Variants in KIRREL3 observed in about 807,000 individuals in gnomAD.
KIRREL3 encodes kin of IRRE-like protein 3.
Under a neutral mutation model 89.7 loss-of-function variants are expected in KIRREL3, and 36 were observed. That is an observed-to-expected ratio of 0.40 (90% confidence interval 0.31 to 0.53). The LOEUF (loss-of-function observed/expected upper bound fraction) is 0.53, where lower values mean the gene tolerates loss of function less well. Ranked by LOEUF, KIRREL3 falls within the 20% of genes least tolerant of loss-of-function variation. The pLI, the probability that KIRREL3 is intolerant of heterozygous loss-of-function variation, is 0.49. For synonymous variants in KIRREL3, 445 were observed against 441.4 expected (o/e 1.01, Z -0.10); for missense variants, 864 against 1,056.6 (o/e 0.82, Z 2.53).
Position 126,440,510 on chromosome 11 carries a change from A to G in KIRREL3, c.1292T>C (p.Leu431Pro). The change falls in exon 11 of 17, where the codon CTC (leucine) becomes CCC (proline). Residue 431 changes from leucine to proline, a missense_variant. Coordinates refer to ENST00000525144, the MANE Select transcript of KIRREL3 (RefSeq NM_032531.4). ...IISSTQTQHA[L>P]HGEKGQIKCF... ...CTTGATCTGGCCCTTCTCGCCGTGG[A>G]GGGCGTGCTGGGTCTGGGTGCTGGA... The G allele has an allele frequency of 1.9e-6, 3 of 1,602,382 alleles. No individual in the cohort carries two copies. The highest frequency in any genetic ancestry group is 2.3e-5 in the East Asian group (1 of 44,368).
chr11:126,958,691 C>T (rs1490177218), intron 1 of KIRREL3, among the ~76,000 whole-genome samples: 1 of 152,216 alleles, frequency 6.6e-6, no homozygotes, highest in Non-Finnish European at 1.5e-5. Context: ...CACATAAAGG[C>T]ACTCAAACAC....
chr11:126,599,464 C>T (rs1158101360), intron 1 of KIRREL3, among the ~76,000 whole-genome samples: 6 of 152,186 alleles, frequency 3.9e-5, no homozygotes, highest in African/African-American at 1.4e-4. Context: ...GCTGTTTACT[C>T]CTCTAGCTCC....
chr11:126,603,635 C>A (rs375755513), intron 1 of KIRREL3, among the ~76,000 whole-genome samples: 1 of 152,260 alleles, frequency 6.6e-6, no homozygotes, highest in Non-Finnish European at 1.5e-5. Flanking sequence ...GCTGGAGCCA[C>A]GCCTCAGTGC....
At chr11:126,699,166 C>T (rs574399093) in intron 1 of KIRREL3, among the ~76,000 whole-genome samples, 5 of 152,242 alleles carry the variant, frequency 3.3e-5, no homozygotes, top group East Asian at 1.9e-4. Flanking sequence ...GTGGGTGCCA[C>T]GAGGTGTGAC....
At chr11:126,440,572 T>C in intron 10 of KIRREL3, 23 bp from the exon 11 acceptor site, 1 of 1,571,380 alleles carries the variant, frequency 6.4e-7, no homozygotes, top group African/African-American at 1.3e-5. Context: ...AGCGTCCCAT[T>C]AGGCACCCGG....
rs114663673 is a variant in KIRREL3, at chr11:126,764,559, C to A, written c.56-201647G>T. 5.8e-3 allele frequency among the ~76,000 whole-genome samples: 889 copies of A among 152,312 alleles called. 5 individuals carry two copies. Among genetic ancestry groups the A allele is most frequent in the African/African-American group, 0.019 (808 of 41,576 alleles). On this transcript the variant is annotated intron_variant, in intron 1 of 16. Transcript: ENST00000525144. The surrounding 1 kb of genome is among the most constrained non-coding windows in gnomAD (Gnocchi z 4.2). Reference sequence around the variant, plus strand: ...CGCCGCTGCCTCATGAGGTTCCTGGCAGCTCTTACTGCGCCAGTAACAACT... The same window carrying A: ...CGCCGCTGCCTCATGAGGTTCCTGGAAGCTCTTACTGCGCCAGTAACAACT...
intron 1 of KIRREL3, among the ~76,000 whole-genome samples, chr11:126,660,684 T>C (rs973721429): frequency 6.6e-6 from 1 of 152,076 alleles, no homozygotes; most frequent in Admixed American, 6.5e-5. Context: ...AGAGAAGCAA[T>C]CTTGTTCAGC....
chr11:126,805,639 G>A lies in KIRREL3; in HGVS notation c.55+194816C>T, dbSNP rs890857467. Among the ~76,000 whole-genome samples, 15 of 152,182 alleles carry A rather than the reference G, an allele frequency of 9.9e-5. No individual in the cohort carries two copies. The highest frequency in any genetic ancestry group is 3.6e-4 in the African/African-American group (15 of 41,444). On this transcript the variant is annotated intron_variant, in intron 1 of 16. Coordinates refer to ENST00000525144, the MANE Select transcript of KIRREL3 (RefSeq NM_032531.4). This position sits in a 1 kb window ranked among gnomAD's most constrained non-coding sequence, Gnocchi z 4.3. Reference sequence around the variant, plus strand: ...CCTGAAGAACATTTATTTTCAGGGTGATTGCTAAACTCCACAGTACAAAGT... The same window carrying A: ...CCTGAAGAACATTTATTTTCAGGGTAATTGCTAAACTCCACAGTACAAAGT...
rs1367382191 is a variant in KIRREL3 at position 126,471,110 on chromosome 11, C to T, written c.591+2199G>A. Among the ~76,000 whole-genome samples, 2 of 152,110 alleles carry T rather than the reference C, an allele frequency of 1.3e-5. No individual in the cohort carries two copies. The highest frequency in any genetic ancestry group is 2.9e-5 in the Non-Finnish European group (2 of 68,012). On this transcript the variant is annotated intron_variant, in intron 5 of 16. Transcript: ENST00000525144. The surrounding 1 kb of genome is among the most constrained non-coding windows in gnomAD (Gnocchi z 5.4). ...CAGTGGCTCAGTCCTGTAATCCCAGCACTTTGGGAGGCTGAGGCAGGTGGA... is the reference window on the plus strand; with the variant it reads ...CAGTGGCTCAGTCCTGTAATCCCAGTACTTTGGGAGGCTGAGGCAGGTGGA...
chr11:126,887,292 C>T (rs1403443475), intron 1 of KIRREL3, among the ~76,000 whole-genome samples: 1 of 152,274 alleles, frequency 6.6e-6, no homozygotes, highest in Non-Finnish European at 1.5e-5. Flanking sequence ...AGCAAGCATG[C>T]ATTCATCACT....
chr11:126,540,078 TATAAAC>T (rs1938237581), intron 2 of KIRREL3, among the ~76,000 whole-genome samples: 1 of 152,056 alleles, frequency 6.6e-6, no homozygotes. Flanking sequence ...GGATTGGAAA[TATAAAC>T]AGAGAAGCCA....
At position 126,795,921 on chromosome 11, in the gene KIRREL3, C is replaced by T. The variant is rs984423718; in HGVS notation, c.55+204534G>A. 4.6e-5 allele frequency among the ~76,000 whole-genome samples: 7 copies of T among 152,090 alleles called. No individual in the cohort carries two copies. The highest frequency in any genetic ancestry group is 1.7e-4 in the African/African-American group (7 of 41,412). The stretch of plus-strand genomic sequence containing the variant: ...TCCTCACCCTGGGTAAAGGCTCATG[C>T]AGGCATTGGGAAAAGCATGAATCAG... On this transcript the variant is annotated intron_variant, in intron 1 of 16. Transcript: ENST00000525144. The surrounding 1 kb of genome is among the most constrained non-coding windows in gnomAD (Gnocchi z 4.1).
chr11:126,961,656 G>A (rs1199860965), intron 1 of KIRREL3, among the ~76,000 whole-genome samples: 9 of 152,240 alleles, frequency 5.9e-5, no homozygotes, highest in Admixed American at 5.9e-4. Context: ...AGCAAGATAT[G>A]CAGAAGATCT....
intron 1 of KIRREL3, among the ~76,000 whole-genome samples, chr11:126,738,766 A>AT (rs1227263608): frequency 4.6e-5 from 7 of 152,150 alleles, no homozygotes; most frequent in African/African-American, 1.4e-4. Context: ...ACCCAGAGAG[A>AT]TTTGCTGCTG....
chr11:126,529,019 G>T (rs1378951654), intron 2 of KIRREL3, among the ~76,000 whole-genome samples: 2 of 152,238 alleles, frequency 1.3e-5, no homozygotes, highest in African/African-American at 2.4e-5. Context: ...TTATCAGGTT[G>T]TCAGGTGGAC....
rs1466878095 is a variant in KIRREL3, at chr11:126,797,781, G to A, written c.55+202674C>T. On this transcript the variant is annotated intron_variant, in intron 1 of 16. Transcript: ENST00000525144. This position sits in a 1 kb window ranked among gnomAD's most constrained non-coding sequence, Gnocchi z 4.9. ...CTCCACTGAACCTGTTTTCTGATTC[G>A]TATTTTGTCCTTGTAAATCAGAAGC... is the stretch of plus-strand genomic sequence containing the variant. Among the ~76,000 whole-genome samples the A allele has an allele frequency of 2.0e-5, 3 of 152,122 alleles. No homozygotes were observed. Among genetic ancestry groups the A allele is most frequent in the Admixed American group, 1.3e-4 (2 of 15,264 alleles).
At position 126,463,198 on chromosome 11, in the gene KIRREL3, A is replaced by T. The variant is rs1214069784; in HGVS notation, c.701T>A (p.Ile234Asn). The change falls in exon 6 of 17, where the codon ATC (isoleucine) becomes AAC (asparagine). Residue 234 changes from isoleucine (I) to asparagine (N), a missense_variant. Physicochemically the swap from Ile to Asn is moderately radical, Grantham distance 149. Coordinates refer to ENST00000525144, the MANE Select transcript of KIRREL3 (RefSeq NM_032531.4). The surrounding 1 kb of genome is among the most constrained non-coding windows in gnomAD (Gnocchi z 5.9). ...SIVCRATNKA[I>N]PGGKETSVTI... ...GACCGACGTCTCCTTTCCTCCGGGG[A>T]TGGCTTTGTTGGTGGCACGACACAC... 2 of 1,613,520 alleles carry T rather than the reference A, an allele frequency of 1.2e-6. No individual in the cohort carries two copies. The highest frequency in any genetic ancestry group is 1.7e-6 in the Non-Finnish European group (2 of 1,179,776).
rs2134298393 is a variant in KIRREL3 at position 126,771,094 on chromosome 11, C to T, written c.56-208182G>A. Among the ~76,000 whole-genome samples the T allele has an allele frequency of 6.6e-6, 1 of 152,296 alleles. No homozygotes were observed. Among genetic ancestry groups the T allele is most frequent in the Non-Finnish European group, 1.5e-5 (1 of 68,024 alleles). ...CAGGGTGATCCGCTTGCCTTGGCAT[C>T]CCAAAGTCCTGGGATTACAGGCATG... On this transcript the variant is annotated intron_variant, in intron 1 of 16. Coordinates refer to ENST00000525144, the MANE Select transcript of KIRREL3 (RefSeq NM_032531.4). This position sits in a 1 kb window ranked among gnomAD's most constrained non-coding sequence, Gnocchi z 4.4.
intron 1 of KIRREL3, among the ~76,000 whole-genome samples, chr11:126,745,955 C>T (rs1949135248): frequency 1.3e-5 from 2 of 152,210 alleles, no homozygotes; most frequent in Non-Finnish European, 2.9e-5. Flanking sequence ...GCCTGCTTGG[C>T]CTCTGTAACA....
Sources: gnomAD v4.1 joint callset for allele counts (sites outside exome capture counted in the v4.1 genomes callset) on GRCh38, gnomAD v4.1.1 for gene constraint, Gnocchi (gnomAD v3.1) non-coding constraint, MANE v1.5 for transcripts, NCBI Gene and HGNC (gene_info 2026-07-23, HGNC 2026-07-21) for gene names.